The following TRPC5 variants were observed in gnomAD, a reference collection of about 807,000 sequenced individuals.
TRPC5 encodes the protein transient receptor potential cation channel subfamily C member 5.
A neutral mutation model predicts 56.5 loss-of-function variants in TRPC5; 9 were observed. The ratio of observed to expected loss-of-function variants is 0.16; its 90% CI spans 0.10 to 0.28. The LOEUF (loss-of-function observed/expected upper bound fraction) is 0.28. Ranked by LOEUF, TRPC5 falls within the 10% of genes least tolerant of loss-of-function variation. TRPC5 has a pLI of 1.00. For synonymous variants in TRPC5, 282 were observed against 278.5 expected (o/e 1.01, Z -0.13); for missense variants, 469 against 748.9 (o/e 0.63, Z 4.36).
At chrX:111,800,435 G>A (rs942232858) in intron 7 of TRPC5, among the ~76,000 whole-genome samples, 3 of 111,347 alleles carry the variant, frequency 2.7e-5, no homozygotes, top group African/African-American at 9.8e-5. Flanking sequence ...TTTGAGGGTA[G>A]CCTAGCCAAT....
At chrX:111,861,581 T>G (rs185637402) in intron 3 of TRPC5, among the ~76,000 whole-genome samples, 74 of 112,192 alleles carry the variant, frequency 6.6e-4, no homozygotes, top group African/African-American at 2.1e-3. Context: ...TTTAGCAACT[T>G]TTAACTTTAA....
At chrX:111,933,578 C>CA (rs1295331645) in intron 2 of TRPC5, among the ~76,000 whole-genome samples, 44 of 111,260 alleles carry the variant, frequency 4.0e-4, no homozygotes, top group African/African-American at 1.3e-3. Flanking sequence ...AAAACAGAAA[C>CA]AAAAAAACAA....
chrX:112,051,002 T>A (rs1407061442), intron 1 of TRPC5, among the ~76,000 whole-genome samples: 1 of 112,186 alleles, frequency 8.9e-6, no homozygotes, highest in African/African-American at 3.2e-5. Context: ...GTATACCCGA[T>A]ATCTACTCTT....
At chrX:111,952,755 TATC>T (rs767240142) in intron 1 of TRPC5, among the ~76,000 whole-genome samples, 1 of 111,461 alleles carries the variant, frequency 9.0e-6, no homozygotes, top group African/African-American at 3.3e-5. Flanking sequence ...TACTCGCAGT[TATC>T]ATTTAGTGAC....
intron 1 of TRPC5, among the ~76,000 whole-genome samples, chrX:111,990,384 C>T (rs1928322952): frequency 9.0e-6 from 1 of 111,406 alleles, no homozygotes; most frequent in Non-Finnish European, 1.9e-5. Context: ...CACCACTGCA[C>T]TCCAGCCTGG....
intron 1 of TRPC5, among the ~76,000 whole-genome samples, chrX:111,987,105 G>A (rs1928232069): frequency 9.0e-6 from 1 of 111,622 alleles, no homozygotes; most frequent in Non-Finnish European, 1.9e-5. Flanking sequence ...TGGTTGATTA[G>A]GAGTATTCAA....
intron 1 of TRPC5, among the ~76,000 whole-genome samples, chrX:111,988,311 G>A (rs1038989587): frequency 1.8e-5 from 2 of 110,820 alleles, no homozygotes; most frequent in Non-Finnish European, 3.8e-5. Context: ...TCAATTAGGT[G>A]CCATATGCCT....
intron 3 of TRPC5, among the ~76,000 whole-genome samples, chrX:111,867,381 A>G (rs1051837655): frequency 8.9e-6 from 1 of 112,249 alleles, no homozygotes; most frequent in Admixed American, 9.4e-5. Context: ...CAGAGATGGA[A>G]AAAATCAGCA....
chrX:111,864,796 A>G (rs933696463), intron 3 of TRPC5, among the ~76,000 whole-genome samples: 4 of 112,181 alleles, frequency 3.6e-5, no homozygotes, highest in African/African-American at 1.3e-4. Context: ...AATTTAAAAA[A>G]ATTTTCAACG....
At chrX:111,987,305 A>G (rs1171229389) in intron 1 of TRPC5, among the ~76,000 whole-genome samples, 1 of 111,833 alleles carries the variant, frequency 8.9e-6, no homozygotes, top group Non-Finnish European at 1.9e-5. Flanking sequence ...GCAAATTAAC[A>G]TAACAGTCAT....
chrX:112,063,024 C>T (rs182627812), intron 1 of TRPC5, among the ~76,000 whole-genome samples: 5 of 111,449 alleles, frequency 4.5e-5, no homozygotes, highest in Admixed American at 3.8e-4. Flanking sequence ...GGCAAAGGAG[C>T]GGTGGAAGGT....
chrX:111,815,058 GT>G (rs1921818016), intron 7 of TRPC5, among the ~76,000 whole-genome samples: 1 of 111,938 alleles, frequency 8.9e-6, no homozygotes. Context: ...TACGAAATAG[GT>G]TATATTTGAG....
intron 6 of TRPC5, among the ~76,000 whole-genome samples, chrX:111,843,942 G>A (rs891191893): frequency 2.9e-5 from 3 of 105,172 alleles, no homozygotes; most frequent in Non-Finnish European, 5.8e-5. Flanking sequence ...GAGAATGAGA[G>A]AGAGACAGAG....
intron 1 of TRPC5, among the ~76,000 whole-genome samples, chrX:112,078,929 A>G (rs1930899668): frequency 9.0e-6 from 1 of 111,605 alleles, no homozygotes; most frequent in African/African-American, 3.3e-5. Context: ...GTCAGCTACT[A>G]GGCTCTGGAC....
chrX:111,864,241 A>G (rs7886078), intron 3 of TRPC5, among the ~76,000 whole-genome samples: 11,205 of 110,071 alleles, frequency 0.1, 1,320 homozygotes, highest in African/African-American at 0.34. Flanking sequence ...GCAGGCCTCC[A>G]CCTCCCAAAG....
chrX:111,934,984 C>T (rs1926524938), intron 2 of TRPC5, among the ~76,000 whole-genome samples: 1 of 111,942 alleles, frequency 8.9e-6, no homozygotes, highest in African/African-American at 3.2e-5. Flanking sequence ...TGGACATATA[C>T]CTAGCAGTGA....
At chrX:111,887,521 T>C (rs918441755) in intron 3 of TRPC5, among the ~76,000 whole-genome samples, 3 of 111,991 alleles carry the variant, frequency 2.7e-5, no homozygotes, top group Non-Finnish European at 5.6e-5. Flanking sequence ...TATTGGAGGC[T>C]ACAGAAAAAG....
chrX:111,998,890 T>C (rs149651600), intron 1 of TRPC5, among the ~76,000 whole-genome samples: 86 of 112,228 alleles, frequency 7.7e-4, no homozygotes, highest in African/African-American at 2.7e-3. Context: ...TAATTATATA[T>C]AGTCTCCTGA....
chrX:112,048,262 G>T (rs745337179), intron 1 of TRPC5, among the ~76,000 whole-genome samples: 121 of 111,040 alleles, frequency 1.1e-3, no homozygotes, highest in African/African-American at 3.1e-3. Context: ...TTAGCTGGGC[G>T]TCGTGGCGTG....
Sources: gnomAD v4.1 joint callset for allele counts (sites outside exome capture counted in the v4.1 genomes callset) on GRCh38, gnomAD v4.1.1 for gene constraint, MANE v1.5 for transcripts, NCBI Gene and HGNC (gene_info 2026-07-23, HGNC 2026-07-21) for gene names.